The following GPC6 variants were observed in gnomAD, a reference collection of about 807,000 sequenced individuals.
GPC6 encodes the protein glypican 6.
A neutral mutation model predicts 55.2 loss-of-function variants in GPC6; 14 were observed. That is an observed-to-expected ratio of 0.25 (90% CI 0.17 to 0.40). The LOEUF (loss-of-function observed/expected upper bound fraction) is 0.40. GPC6 is among the 10% of genes least tolerant of loss of function. The probability of loss-of-function intolerance (pLI) is 1.00; values close to 1 mark genes in which losing one functional copy is unlikely to be tolerated. For synonymous variants in GPC6, 278 were observed against 259.6 expected (o/e 1.07, Z -0.68); for missense variants, 641 against 708.5 (o/e 0.90, Z 1.08).
rs142069665 is a variant in GPC6 at position 94,056,040 on chromosome 13, A to G, written c.877+28146A>G. Among the ~76,000 whole-genome samples, 69 of 152,274 alleles carry G rather than the reference A, an allele frequency of 4.5e-4. 1 individual carries two copies. In the Middle Eastern group the frequency reaches 0.01, roughly 23 times the overall value. ...GCCCCTCTTAGCTTCCTCATCTGCT[A>G]AAAGGAAGAGCTGGACCAGAGGACT... On this transcript the variant is annotated intron_variant, in intron 4 of 8. Coordinates refer to ENST00000377047, the MANE Select transcript of GPC6 (RefSeq NM_005708.5).
chr13:93,234,343 T>C (rs553397159), intron 1 of GPC6, among the ~76,000 whole-genome samples: 40 of 152,286 alleles, frequency 2.6e-4, no homozygotes, highest in African/African-American at 9.6e-4. Context: ...GGGGGTCATG[T>C]CGTCCTCCCC....
At chr13:93,422,222 T>C (rs1343941096) in intron 1 of GPC6, among the ~76,000 whole-genome samples, 7 of 152,298 alleles carry the variant, frequency 4.6e-5, no homozygotes, top group Non-Finnish European at 8.8e-5. Context: ...TGGAAAAGTC[T>C]TCTAAGCAAC....
At chr13:93,852,443 A>G (rs1323566091) in intron 3 of GPC6, among the ~76,000 whole-genome samples, 1 of 151,796 alleles carries the variant, frequency 6.6e-6, no homozygotes, top group Non-Finnish European at 1.5e-5. Context: ...ACAACTAATT[A>G]AAGCCGAAAT....
chr13:94,245,990 A>G (rs1891184226), intron 4 of GPC6, among the ~76,000 whole-genome samples: 1 of 152,120 alleles, frequency 6.6e-6, no homozygotes, highest in South Asian at 2.1e-4. Flanking sequence ...AACAGTGGGC[A>G]AGGGTTTCCT....
chr13:93,368,336 CTTTCCTTCCTT>C, intron 1 of GPC6, among the ~76,000 whole-genome samples: 1 of 92,176 alleles, frequency 1.1e-5, no homozygotes. Context: ...TCCCTCCCTG[CTTTCCTTCCTT>C]CCTTCCTTCC....
chr13:93,886,086 T>C (rs1875307451), intron 3 of GPC6, among the ~76,000 whole-genome samples: 1 of 152,104 alleles, frequency 6.6e-6, no homozygotes, highest in South Asian at 2.1e-4. Context: ...GAATAAAATA[T>C]TGAATTTAAG....
At chr13:93,481,722 C>T (rs1879529503) in intron 1 of GPC6, among the ~76,000 whole-genome samples, 1 of 152,016 alleles carries the variant, frequency 6.6e-6, no homozygotes, top group South Asian at 2.1e-4. Flanking sequence ...ATGGCCATGG[C>T]ACCCTTAGCC....
chr13:94,048,381 A>G (rs1023607896), intron 4 of GPC6, among the ~76,000 whole-genome samples: 1 of 152,112 alleles, frequency 6.6e-6, no homozygotes, highest in African/African-American at 2.4e-5. Flanking sequence ...CACAGAAATA[A>G]GAAACCAGGA....
chr13:94,318,299 G>C (rs1048074752), intron 6 of GPC6, among the ~76,000 whole-genome samples: 5 of 151,994 alleles, frequency 3.3e-5, no homozygotes, highest in African/African-American at 4.8e-5. Flanking sequence ...ATCCATGGAG[G>C]CTATGTTCCA....
At chr13:93,857,323 T>A (rs12429608) in intron 3 of GPC6, among the ~76,000 whole-genome samples, 6,671 of 151,524 alleles carry the variant, frequency 0.044, 344 homozygotes, top group East Asian at 0.17. Context: ...AGGTGTTGCA[T>A]AAGATTTGGA....
chr13:93,723,826 A>C (rs2138826612), intron 2 of GPC6, among the ~76,000 whole-genome samples: 1 of 152,130 alleles, frequency 6.6e-6, no homozygotes, highest in South Asian at 2.1e-4. Context: ...AGAGGTAGCA[A>C]GGAAAATGTG....
At chr13:93,849,669 TC>T (rs1458823935) in intron 3 of GPC6, among the ~76,000 whole-genome samples, 1 of 152,118 alleles carries the variant, frequency 6.6e-6, no homozygotes, top group Non-Finnish European at 1.5e-5. Context: ...CCTCAGATTT[TC>T]CCTTCTTGCC....
At chr13:93,385,082 T>A (rs1875339851) in intron 1 of GPC6, among the ~76,000 whole-genome samples, 1 of 152,144 alleles carries the variant, frequency 6.6e-6, no homozygotes, top group African/African-American at 2.4e-5. Context: ...TGTTAAGGAA[T>A]AAACGGTGCT....
intron 4 of GPC6, among the ~76,000 whole-genome samples, chr13:94,049,206 A>G (rs1883843707): frequency 6.6e-6 from 1 of 151,456 alleles, no homozygotes; most frequent in African/African-American, 2.4e-5. Context: ...AGACGACTGC[A>G]TCACTGCACT....
At chr13:94,045,372 G>A (rs9556348) in intron 4 of GPC6, among the ~76,000 whole-genome samples, 21,103 of 151,758 alleles carry the variant, frequency 0.14, 1,839 homozygotes, top group East Asian at 0.36. Context: ...ATATAATTTA[G>A]TTTCTTAGTA....
intron 2 of GPC6, among the ~76,000 whole-genome samples, chr13:93,717,269 C>T (rs1883283539): frequency 6.6e-6 from 1 of 151,656 alleles, no homozygotes; most frequent in Admixed American, 6.6e-5. Context: ...GTCCAGTTTA[C>T]CTTCATAATG....
chr13:93,402,054 G>A (rs188217864), intron 1 of GPC6, among the ~76,000 whole-genome samples: 17 of 152,222 alleles, frequency 1.1e-4, no homozygotes, highest in East Asian at 9.7e-4. Context: ...TAACTAACTG[G>A]TCCAGTGTCA....
At chr13:93,954,481 T>C (rs1305106297) in intron 3 of GPC6, among the ~76,000 whole-genome samples, 1 of 152,124 alleles carries the variant, frequency 6.6e-6, no homozygotes, top group Non-Finnish European at 1.5e-5. Flanking sequence ...CACAACTAGC[T>C]ATTTTTTGTA....
intron 1 of GPC6, among the ~76,000 whole-genome samples, chr13:93,480,852 A>G (rs1879490797): frequency 6.6e-6 from 1 of 152,176 alleles, no homozygotes; most frequent in Non-Finnish European, 1.5e-5. Flanking sequence ...ATCATTTGAT[A>G]GACATTTGAG....
Sources: allele counts gnomAD v4.1 joint callset (sites outside exome capture counted in the v4.1 genomes callset), GRCh38; gene constraint gnomAD v4.1.1; transcripts MANE v1.5; gene names NCBI Gene and HGNC (gene_info 2026-07-23, HGNC 2026-07-21).